The following XRN1 variants were observed in gnomAD, a reference collection of about 807,000 sequenced individuals.
XRN1 encodes the protein 5'-3' exoribonuclease 1.
In XRN1, 67 loss-of-function variants were observed where a neutral mutation model predicts 222.3. That is an observed-to-expected ratio of 0.30 (90% CI 0.25 to 0.37). The LOEUF is 0.37. XRN1 is among the 10% of genes least tolerant of loss of function. XRN1 has a pLI of 1.00. For synonymous variants in XRN1, 643 were observed against 652.4 expected (o/e 0.99, Z 0.22); for missense variants, 1,707 against 2,000.2 (o/e 0.85, Z 2.80).
chr3:142,445,158 C>T (rs975558966), intron 1 of XRN1, among the ~76,000 whole-genome samples: 1 of 152,004 alleles, frequency 6.6e-6, no homozygotes, highest in African/African-American at 2.4e-5. Flanking sequence ...CAAATGGTAT[C>T]ATTTGCTCGT....
At chr3:142,362,290 A>G (rs1474616224) in intron 29 of XRN1, among the ~76,000 whole-genome samples, 1 of 152,018 alleles carries the variant, frequency 6.6e-6, no homozygotes, top group Non-Finnish European at 1.5e-5. Flanking sequence ...GGCATGCACC[A>G]CCATGCCTGG....
intron 19 of XRN1, among the ~76,000 whole-genome samples, chr3:142,399,818 T>C (rs1366155571): frequency 1.3e-5 from 2 of 150,870 alleles, no homozygotes; most frequent in Non-Finnish European, 3.0e-5. Context: ...AAAAAAGACA[T>C]TTCGGATGTG....
intron 15 of XRN1, among the ~76,000 whole-genome samples, chr3:142,407,158 T>C (rs1273594071): frequency 6.6e-6 from 1 of 152,226 alleles, no homozygotes; most frequent in Non-Finnish European, 1.5e-5. Flanking sequence ...CTGCAGTCAG[T>C]GTCTTTCTGG....
intron 36 of XRN1, among the ~76,000 whole-genome samples, chr3:142,330,783 T>C (rs1374000988): frequency 6.6e-6 from 1 of 152,092 alleles, no homozygotes; most frequent in Non-Finnish European, 1.5e-5. Flanking sequence ...GGAATATAAA[T>C]GGGGTTAGGT....
At chr3:142,373,430 T>C (rs1228428271) in intron 25 of XRN1, among the ~76,000 whole-genome samples, 2 of 151,812 alleles carry the variant, frequency 1.3e-5, no homozygotes, top group East Asian at 3.9e-4. Context: ...AGGAGAAAAT[T>C]ATCAAAGAAA....
At chr3:142,403,394 G>A (rs2068219068) in intron 18 of XRN1, among the ~76,000 whole-genome samples, 1 of 152,026 alleles carries the variant, frequency 6.6e-6, no homozygotes, top group South Asian at 2.1e-4. Flanking sequence ...TCAGTCCTCA[G>A]CTCAAGCCTA....
intron 37 of XRN1, among the ~76,000 whole-genome samples, 196 bp downstream of exon 37, chr3:142,329,238 T>A (rs1382062134): frequency 6.6e-6 from 1 of 152,146 alleles, no homozygotes; most frequent in Non-Finnish European, 1.5e-5. Flanking sequence ...TGCTGCCCAG[T>A]TCCTCCCTGT....
At chr3:142,417,549 T>TTAAA (rs1231170069) in intron 12 of XRN1, among the ~76,000 whole-genome samples, 2 of 152,202 alleles carry the variant, frequency 1.3e-5, no homozygotes, top group Non-Finnish European at 2.9e-5. Context: ...TACCACTCTC[T>TTAAA]TAAATAGTGG....
At position 142,412,628 on chromosome 3, in the gene XRN1, T is replaced by C. The variant is rs1335440961; in HGVS notation, c.1629A>G (p.Glu543=). The C allele has an allele frequency of 1.9e-6, 3 of 1,604,508 alleles. No homozygotes were observed. Among genetic ancestry groups the C allele is most frequent in the Admixed American group, 1.7e-5 (1 of 59,942 alleles). Residue 543 remains glutamate (E), a synonymous_variant, in exon 15 of 41, where the codon GAA becomes GAG. Transcript: ENST00000392981. ...CAGTTTTAAAATCAGGTGGGTAATATTCTATAATTGGTGAGTCTTCATTGG... is the reference window on the plus strand; with the variant it reads ...CAGTTTTAAAATCAGGTGGGTAATACTCTATAATTGGTGAGTCTTCATTGG... ...LMTNEDSPII[E]YYPPDFKTDL... is the part of the protein sequence containing the mutation.
rs186732041 is a variant in XRN1, at chr3:142,309,218, T to G, written c.*2293A>C. 1.3e-4 allele frequency: 20 copies of G among 152,296 alleles called. No homozygotes were observed. The East Asian group carries it at 3.5e-3, about 26-fold the overall frequency. 9.4% of individuals were successfully genotyped at this position (152,296 alleles called of 1,614,324 possible). A position where few individuals can be genotyped will look rare whatever the true frequency, so the allele number is the denominator to read the frequency against. On this transcript the variant is annotated 3_prime_UTR_variant, in exon 41 of 41. Transcript: ENST00000392981. ...AATAATGTTAAAAAAAAAGTAAGGA[T>G]AATAAAACTTTTTTCTTTTTTTTGA...
chr3:142,325,480 C>T (rs924395063), intron 37 of XRN1, among the ~76,000 whole-genome samples: 1 of 151,958 alleles, frequency 6.6e-6, no homozygotes, highest in South Asian at 2.1e-4. Flanking sequence ...AGGTTTGTTA[C>T]ATGGGTATAT....
At chr3:142,382,723 T>C (rs2067345947) in intron 22 of XRN1, among the ~76,000 whole-genome samples, 1 of 152,198 alleles carries the variant, frequency 6.6e-6, no homozygotes, top group Non-Finnish European at 1.5e-5. Flanking sequence ...AAGGTGTCTT[T>C]GCTTCTTATT....
At chr3:142,417,353 T>C in intron 12 of XRN1, 124 bp from the exon 13 acceptor site, 1 of 742,196 alleles carries the variant, frequency 1.3e-6, no homozygotes, top group East Asian at 2.8e-5. Context: ...ATTAGCTATT[T>C]ATGGCTAAAA....
Position 142,444,614 on chromosome 3 carries a change from TA to T in XRN1, c.75+3255del, listed in dbSNP as rs2070417647. ...ACAGAGCGCGACCTTGTATCCAAAATAAAAAATAAAAAAAAAGAATGAATAA... is the reference window on the plus strand; with the variant it reads ...ACAGAGCGCGACCTTGTATCCAAAATAAAAATAAAAAAAAAGAATGAATAA... On this transcript the variant is annotated intron_variant, in intron 1 of 40. Coordinates refer to ENST00000392981, the MANE Select transcript of XRN1 (RefSeq NM_001282857.2). 2.0e-5 allele frequency among the ~76,000 whole-genome samples: 3 copies of T among 150,702 alleles called. No homozygotes were observed. The South Asian group carries it at 6.3e-4, about 32-fold the overall frequency.
chr3:142,366,663 T>C (rs974647436), intron 27 of XRN1, among the ~76,000 whole-genome samples: 3 of 152,080 alleles, frequency 2.0e-5, no homozygotes, highest in Non-Finnish European at 2.9e-5. Flanking sequence ...GAGTGAACAG[T>C]GAAGGCCTTA....
chr3:142,390,411 AGCATTTGTT>A (rs1183424540), intron 20 of XRN1, among the ~76,000 whole-genome samples: 5 of 152,214 alleles, frequency 3.3e-5, no homozygotes, highest in Admixed American at 3.3e-4. Context: ...CTTCTACATT[AGCATTTGTT>A]GCTTCAGCTC....
At position 142,311,598 on chromosome 3, in the gene XRN1, A is replaced by C. The variant is rs1034250638; in HGVS notation, c.4998T>G (p.Ser1666=). Residue 1666 remains serine, a synonymous_variant, in exon 41 of 41, where the codon TCT becomes TCG. Coordinates refer to ENST00000392981, the MANE Select transcript of XRN1 (RefSeq NM_001282857.2). ...VETASQGHSI[S]HHKSTPISSS... is the part of the protein sequence containing the mutation. Reference sequence around the variant, plus strand: ...AAGAGATTGGTGTTGACTTATGGTGAGATATACTATGGCCTTGAGAGGCAG... The same window carrying C: ...AAGAGATTGGTGTTGACTTATGGTGCGATATACTATGGCCTTGAGAGGCAG... The C allele has an allele frequency of 2.4e-5, 39 of 1,614,018 alleles. No homozygotes were observed. The highest frequency in any genetic ancestry group is 3.3e-5 in the Non-Finnish European group (39 of 1,180,000).
intron 2 of XRN1, among the ~76,000 whole-genome samples, chr3:142,429,497 A>T (rs576711743): frequency 6.6e-6 from 1 of 152,166 alleles, no homozygotes; most frequent in Non-Finnish European, 1.5e-5. Context: ...TGGTGGGGAT[A>T]AAAGAAGGCA....
At chr3:142,364,464 C>T (rs1261487132) in intron 29 of XRN1, among the ~76,000 whole-genome samples, 1 of 151,970 alleles carries the variant, frequency 6.6e-6, no homozygotes, top group Non-Finnish European at 1.5e-5. Flanking sequence ...CCATCTTAGC[C>T]ACTTTTAAGC....
Sources: allele counts gnomAD v4.1 joint callset (sites outside exome capture counted in the v4.1 genomes callset), GRCh38; gene constraint gnomAD v4.1.1; transcripts MANE v1.5; gene names NCBI Gene and HGNC (gene_info 2026-07-23, HGNC 2026-07-21).